CATIP: variants seen among roughly 807,000 people sequenced by gnomAD.
The protein encoded by CATIP is ciliogenesis-associated TTC17-interacting protein.
In CATIP, 40 loss-of-function variants were observed where a neutral mutation model predicts 42.5. That is an observed-to-expected ratio of 0.94 (90% CI 0.73 to 1.22). The LOEUF (loss-of-function observed/expected upper bound fraction) is 1.22. CATIP is among the 50% of genes most tolerant of loss of function. The pLI, the probability that CATIP is intolerant of heterozygous loss-of-function variation, is 0.00. For synonymous variants in CATIP, 222 were observed against 200.2 expected (o/e 1.11, Z -0.92); for missense variants, 489 against 496.0 (o/e 0.99, Z 0.13).
At position 218,367,043 on chromosome 2, in the gene CATIP, C is replaced by T. The variant is rs766083430; in HGVS notation, c.775C>T (p.Gln259Ter). The change falls in exon 8 of 10, where the codon CAG becomes TAG. Residue 259 changes from glutamine to a stop codon, truncating the protein, a stop_gained. Transcript: ENST00000289388. LOFTEE classifies it high-confidence loss of function. ...LSDGHLAKRI[Q>*]VGSPGCCIIT... ...CTCCAGGCACCTGGCCAAGAGAATA[C>T]AGGTGGGCTCCCCAGGGTGCTGCAT... 1 of 1,613,742 alleles carries T rather than the reference C, an allele frequency of 6.2e-7. No homozygotes were observed. Among genetic ancestry groups the T allele is most frequent in the African/African-American group, 1.3e-5 (1 of 74,926 alleles).
At chr2:218,361,528 A>C (rs536480839) in intron 5 of CATIP, among the ~76,000 whole-genome samples, 3 of 152,308 alleles carry the variant, frequency 2.0e-5, no homozygotes, top group African/African-American at 7.2e-5. Flanking sequence ...TGGGGGTTAG[A>C]AAAGTAGTCA....
At chr2:218,361,330 C>A (rs193263378) in intron 5 of CATIP, among the ~76,000 whole-genome samples, 139 of 151,316 alleles carry the variant, frequency 9.2e-4, no homozygotes, top group Middle Eastern at 3.4e-3. Flanking sequence ...GCTGAGATCA[C>A]GCCACTGCAC....
In CATIP at chr2:218,364,765, T is replaced by C. The variant is rs771071373; in HGVS notation, c.755+13T>C. On this transcript the variant is annotated intron_variant, in intron 7 of 9. Transcript: ENST00000289388. ...TGCTCTCCGATGGGTGAGCTGCTGA[T>C]GGTGGGCCCAGAGGGGTGGTGCTGA... 6.2e-7 allele frequency: 1 copy of C among 1,610,396 alleles called. No individual in the cohort carries two copies. Among genetic ancestry groups the C allele is most frequent in the Admixed American group, 1.7e-5 (1 of 59,646 alleles).
At chr2:218,365,737 T>C (rs751051284) in intron 7 of CATIP, 3 of 152,208 alleles carry the variant, frequency 2.0e-5, no homozygotes, top group Non-Finnish European at 4.4e-5. Flanking sequence ...ACCTTTTTAT[T>C]TTGAATGCCG....
intron 8 of CATIP, 80 bp from the exon 9 acceptor site, chr2:218,367,350 T>C (rs1695485878): frequency 9.8e-6 from 13 of 1,320,258 alleles, no homozygotes; most frequent in Non-Finnish European, 1.1e-5. Context: ...GCCTTCTGTT[T>C]GGGTGTTCTC....
In CATIP at chr2:218,356,880, A is replaced by G; in HGVS notation, c.-5A>G. The G allele has an allele frequency of 6.2e-7, 1 of 1,613,618 alleles. No individual in the cohort carries two copies. The highest frequency in any genetic ancestry group is 8.5e-7 in the Non-Finnish European group (1 of 1,179,954). On this transcript the variant is annotated 5_prime_UTR_variant, in exon 1 of 10. Coordinates refer to ENST00000289388, the MANE Select transcript of CATIP (RefSeq NM_198559.2). ...ACACAGACCGGGTAGAGGCAGGCCC[A>G]CAGCATGTCCTCCAAGGTTTACTCC...
At chr2:218,357,781 CCCTCCCCTCCACCAATT>C in intron 3 of CATIP, 47 bp downstream of exon 3, 1 of 1,550,470 alleles carries the variant, frequency 6.4e-7, no homozygotes, top group Non-Finnish European at 8.9e-7. Flanking sequence ...CTTCCTCCAA[CCCTCCCCTCCACCAATT>C]CCTAGAATCT....
chr2:218,357,631 A>G lies in CATIP; in HGVS notation c.216A>G (p.Arg72=), dbSNP rs1467059560. 1.9e-6 allele frequency: 3 copies of G among 1,613,954 alleles called. No homozygotes were observed. Among genetic ancestry groups the G allele is most frequent in the Non-Finnish European group, 2.5e-6 (3 of 1,179,992 alleles). ...GAGAGCTGACCATTGAGGTGCAGAG[A>G]GGGAAATACCAGGAAAAACTCGGCA... is the stretch of plus-strand genomic sequence containing the variant. The part of the protein sequence containing the change: ...PQGELTIEVQ[R]GKYQEKLGML... The change falls in exon 3 of 10, where the codon AGA becomes AGG. Residue 72 remains arginine, a synonymous_variant. Coordinates refer to ENST00000289388, the MANE Select transcript of CATIP (RefSeq NM_198559.2).
Position 218,367,995 on chromosome 2 carries a change from C to A in CATIP, c.*31C>A. 1 of 1,505,806 alleles carries A rather than the reference C, an allele frequency of 6.6e-7. No homozygotes were observed. Among genetic ancestry groups the A allele is most frequent in the Non-Finnish European group, 8.8e-7 (1 of 1,131,836 alleles). 93.3% of individuals were successfully genotyped at this position (1,505,806 alleles called of 1,614,324 possible). ...GCCCAGGCCCGGACAGGGCAGGAAA[C>A]CAGGGGTCGGGCTGGGACGCGGGCG... is the stretch of plus-strand genomic sequence containing the variant. On this transcript the variant is annotated 3_prime_UTR_variant, in exon 10 of 10. Coordinates refer to ENST00000289388, the MANE Select transcript of CATIP (RefSeq NM_198559.2).
At chr2:218,358,130 G>A (rs374623321) in intron 4 of CATIP, 38 bp downstream of exon 4, 5 of 1,559,410 alleles carry the variant, frequency 3.2e-6, no homozygotes, top group East Asian at 4.5e-5. Context: ...CAATCCAGGG[G>A]AGAGAAGACA....
At position 218,367,821 on chromosome 2, in the gene CATIP, G is replaced by T. The variant is rs137997315; in HGVS notation, c.1021G>T (p.Glu341Ter). Residue 341 changes from glutamate to a stop codon, truncating the protein, a stop_gained, in exon 10 of 10, where the codon GAG becomes TAG. Coordinates refer to ENST00000289388, the MANE Select transcript of CATIP (RefSeq NM_198559.2). LOFTEE classifies it low-confidence loss of function (END_TRUNC). ...GCTCTTCCTGCTGCTGCGCCAGCCG[G>T]AGGACGTGGTCACCTTCGCCGCCGA... ...FLLFLLLRQP[E>*]DVVTFAAEFF... 2.5e-6 allele frequency: 4 copies of T among 1,612,992 alleles called. No homozygotes were observed. The highest frequency in any genetic ancestry group is 2.7e-5 in the African/African-American group (2 of 74,934).
intron 7 of CATIP, among the ~76,000 whole-genome samples, chr2:218,365,008 C>G (rs1474715642): frequency 6.6e-6 from 1 of 152,210 alleles, no homozygotes. Context: ...AGGGATAATA[C>G]TGAAAAACAC....
intron 5 of CATIP, 62 bp downstream of exon 5, chr2:218,360,721 G>A: frequency 7.9e-7 from 1 of 1,268,586 alleles, no homozygotes; most frequent in South Asian, 1.2e-5. Context: ...ATCTGAGACA[G>A]GTCCAGATCA....
At chr2:218,362,676 C>A in intron 5 of CATIP, 59 bp from the exon 6 acceptor site, 1 of 1,521,214 alleles carries the variant, frequency 6.6e-7, no homozygotes, top group Non-Finnish European at 8.9e-7. Context: ...GCTTGCCCAC[C>A]CTCCTGTCCC....
chr2:218,357,882 C>T, intron 3 of CATIP, 148 bp downstream of exon 3: 1 of 1,067,912 alleles, frequency 9.4e-7, no homozygotes, highest in South Asian at 1.3e-5. Flanking sequence ...TGAGCGAGTT[C>T]CTCATGGACT....
At chr2:218,367,189 G>C (rs532889031) in intron 8 of CATIP, 89 bp downstream of exon 8, 1 of 1,035,660 alleles carries the variant, frequency 9.7e-7, no homozygotes, top group South Asian at 1.4e-5. Context: ...GCTGGACCCA[G>C]TGTGCTGTAA....
chr2:218,366,873 G>C (rs931552019), intron 7 of CATIP, 151 bp from the exon 8 acceptor site: 1 of 682,778 alleles, frequency 1.5e-6, no homozygotes, highest in Admixed American at 2.1e-5. Context: ...TATCTGATTC[G>C]GGCCCCACCC....
chr2:218,357,259 G>GTCTCTCTCTCTCTC (rs144807145), intron 2 of CATIP, 72 bp downstream of exon 2: 37,131 of 594,408 alleles, frequency 0.062, 709 homozygotes, highest in Middle Eastern at 0.084. Flanking sequence ...AGAAAGTCCA[G>GTCTCTCTCTCTCTC]TCTCTCTCTC....
chr2:218,358,509 C>T (rs1390404176), intron 4 of CATIP, among the ~76,000 whole-genome samples: 2 of 151,704 alleles, frequency 1.3e-5, no homozygotes, highest in African/African-American at 2.4e-5. Context: ...TGCCGTGAGC[C>T]GAGATCGCGC....
Sources: gnomAD v4.1 joint callset for allele counts (sites outside exome capture counted in the v4.1 genomes callset) on GRCh38, gnomAD v4.1.1 for gene constraint, MANE v1.5 for transcripts, NCBI Gene and HGNC (gene_info 2026-07-23, HGNC 2026-07-21) for gene names.